FBXO4: variants seen among roughly 807,000 people sequenced by gnomAD.
The protein encoded by FBXO4 is F-box only protein 4.
FBXO4 carries 36 observed loss-of-function variants against 43.7 expected under a neutral mutation model. The observed-to-expected ratio is 0.82, with a 90% CI of 0.63 to 1.09. FBXO4 has a LOEUF of 1.09. Ranked by LOEUF, FBXO4 falls within the 50% of genes least tolerant of loss-of-function variation. FBXO4 has a pLI of 0.00. For synonymous variants in FBXO4, 180 were observed against 165.6 expected (o/e 1.09, Z -0.67); for missense variants, 435 against 474.1 (o/e 0.92, Z 0.77).
At chr5:41,930,670 C>CTTTCTTTCTT (rs1282987646) in intron 3 of FBXO4, among the ~76,000 whole-genome samples, 2 of 141,786 alleles carry the variant, frequency 1.4e-5, no homozygotes, top group African/African-American at 5.1e-5. Context: ...TTCTTTCTTT[C>CTTTCTTTCTT]TTTTTTTTTT....
the FBXO4 span, among the ~76,000 whole-genome samples, chr5:41,977,010 G>C: frequency 6.6e-6 from 1 of 152,152 alleles, no homozygotes; most frequent in African/African-American, 2.4e-5. Context: ...GACCTTCAAA[G>C]CTGTGGCTCA....
the FBXO4 span, among the ~76,000 whole-genome samples, chr5:41,959,676 A>G: frequency 6.6e-6 from 1 of 152,160 alleles, no homozygotes; most frequent in African/African-American, 2.4e-5. Flanking sequence ...GACAATAAAT[A>G]TGTGGATTTA....
the FBXO4 span, among the ~76,000 whole-genome samples, chr5:42,029,510 T>C: frequency 1.3e-5 from 2 of 152,066 alleles, no homozygotes; most frequent in African/African-American, 4.8e-5. Flanking sequence ...ATTCTGTTAT[T>C]ATCCCTTTAA....
the FBXO4 span, among the ~76,000 whole-genome samples, chr5:41,977,893 T>C: frequency 6.6e-6 from 1 of 152,238 alleles, no homozygotes; most frequent in Admixed American, 6.5e-5. Context: ...CCACATTTTC[T>C]GGTATCTTTA....
intron 5 of FBXO4, chr5:41,939,167 A>G (rs530459257): frequency 5.9e-4 from 148 of 250,292 alleles, no homozygotes; most frequent in African/African-American, 3.2e-3. Context: ...ATTCATAAAA[A>G]AAGCTAAACT....
intron 5 of FBXO4, 47 bp downstream of exon 5, chr5:41,934,355 C>G: frequency 6.2e-7 from 1 of 1,611,338 alleles, no homozygotes. Flanking sequence ...CTTTTCAAAG[C>G]AAATGGAAAA....
the FBXO4 span, among the ~76,000 whole-genome samples, chr5:41,989,220 T>C: frequency 1.3e-5 from 2 of 152,140 alleles, no homozygotes; most frequent in African/African-American, 2.4e-5. Context: ...GATATTATCA[T>C]TGATATACTT....
the FBXO4 span, among the ~76,000 whole-genome samples, chr5:42,005,559 A>G: frequency 2.6e-5 from 4 of 152,280 alleles, no homozygotes; most frequent in African/African-American, 9.6e-5. Flanking sequence ...TGAGTCCTCC[A>G]TCTGAACTTT....
intron 5 of FBXO4, among the ~76,000 whole-genome samples, chr5:41,936,097 T>C (rs4957177): frequency 0.016 from 2,398 of 152,338 alleles, 80 homozygotes; most frequent in Admixed American, 0.075. Context: ...TCAGTCTTTA[T>C]TGCTCTTCTA....
the FBXO4 span, among the ~76,000 whole-genome samples, chr5:41,996,247 C>T: frequency 0.099 from 15,009 of 152,212 alleles, 1,144 homozygotes; most frequent in African/African-American, 0.21. Flanking sequence ...GCACGACCCA[C>T]TTTATGGCTA....
intron 2 of FBXO4, among the ~76,000 whole-genome samples, chr5:41,927,965 A>G (rs1297206998): frequency 1.3e-5 from 2 of 152,124 alleles, no homozygotes; most frequent in East Asian, 1.9e-4. Flanking sequence ...CTCAAATTTA[A>G]CGCATTATTT....
chr5:42,032,979 T>G, the FBXO4 span, among the ~76,000 whole-genome samples: 2 of 152,078 alleles, frequency 1.3e-5, no homozygotes, highest in African/African-American at 4.8e-5. Flanking sequence ...GGTCCTTCCC[T>G]TCAAGGCAGC....
the FBXO4 span, among the ~76,000 whole-genome samples, chr5:42,038,008 G>A: frequency 6.6e-6 from 1 of 152,138 alleles, no homozygotes; most frequent in African/African-American, 2.4e-5. Flanking sequence ...TCCTATGACA[G>A]AAGCATGGGC....
At chr5:42,018,369 C>T in the FBXO4 span, among the ~76,000 whole-genome samples, 4 of 151,888 alleles carry the variant, frequency 2.6e-5, no homozygotes, top group Admixed American at 6.6e-5. Flanking sequence ...AATAAAACTA[C>T]AAACAAGTGC....
At chr5:42,013,432 T>A in the FBXO4 span, among the ~76,000 whole-genome samples, 1 of 152,222 alleles carries the variant, frequency 6.6e-6, no homozygotes, top group Non-Finnish European at 1.5e-5. Context: ...ACCACTCAAA[T>A]GGTCTTATTG....
At chr5:42,023,341 C>T in the FBXO4 span, among the ~76,000 whole-genome samples, 4 of 152,040 alleles carry the variant, frequency 2.6e-5, no homozygotes, top group Non-Finnish European at 5.9e-5. Context: ...TCCTGTTTAG[C>T]ATCTCTGTTA....
the FBXO4 span, among the ~76,000 whole-genome samples, chr5:42,040,147 A>G: frequency 2.0e-5 from 3 of 151,496 alleles, no homozygotes; most frequent in Non-Finnish European, 4.4e-5. Flanking sequence ...AAACTAATAC[A>G]CCTCCCTTTT....
chr5:41,965,823 C>T, the FBXO4 span, among the ~76,000 whole-genome samples: 12 of 152,254 alleles, frequency 7.9e-5, no homozygotes, highest in African/African-American at 2.2e-4. Context: ...GATTATAAAT[C>T]GTGCTGCTAT....
chr5:41,945,033 G>A (rs1022886392), downstream of FBXO4, among the ~76,000 whole-genome samples: 1 of 152,190 alleles, frequency 6.6e-6, no homozygotes, highest in East Asian at 1.9e-4. Flanking sequence ...GCTATTAAAT[G>A]TTCTAGCCTA....
Sources: allele counts gnomAD v4.1 joint callset (sites outside exome capture counted in the v4.1 genomes callset), GRCh38; gene constraint gnomAD v4.1.1; transcripts MANE v1.5; gene names NCBI Gene and HGNC (gene_info 2026-07-23, HGNC 2026-07-21).